The following ADGRG7 variants were observed in gnomAD, a reference collection of about 807,000 sequenced individuals.
ADGRG7 encodes the protein adhesion G protein-coupled receptor G7, also known as G-protein coupled receptor 128.
A neutral mutation model predicts 88.6 loss-of-function variants in ADGRG7; 82 were observed. The observed-to-expected ratio is 0.93, with a 90% CI of 0.77 to 1.11. ADGRG7 has a LOEUF of 1.11. Ranked by LOEUF, ADGRG7 falls within the 50% of genes most tolerant of loss-of-function variation. The probability of loss-of-function intolerance (pLI) is 0.00; values close to 1 mark genes in which losing one functional copy is unlikely to be tolerated. For missense variants in ADGRG7, 945 were observed against 953.4 expected (o/e 0.99, Z 0.12); for synonymous variants, 381 against 345.2 (o/e 1.10, Z -1.15).
In ADGRG7 at chr3:100,609,624, T is replaced by G. The variant is rs1468088164; in HGVS notation, c.-233T>G. ...TCACTTTTTTCATGTTCTCCTTGAG[T>G]GAAGGATGAGGAAATTGAAAGCAGA... On this transcript the variant is annotated 5_prime_UTR_variant, in exon 1 of 16. Transcript: ENST00000273352. 3 of 392,920 alleles carry G rather than the reference T, an allele frequency of 7.6e-6. No homozygotes were observed. The highest frequency in any genetic ancestry group is 1.5e-5 in the Non-Finnish European group (3 of 206,284). 24.3% of individuals were successfully genotyped at this position (392,920 alleles called of 1,614,324 possible). A position where few individuals can be genotyped will look rare whatever the true frequency, so the allele number is the denominator to read the frequency against.
Position 100,694,909 on chromosome 3 carries a change from A to G in ADGRG7, c.2302A>G (p.Thr768Ala), listed in dbSNP as rs2149046074. ...GTATAATTTCCTCAGGTCATTGCCA[A>G]CCTTACATGAACGCTTTAGGCTACT... The part of the protein sequence containing the change: ...KMYNFLRSLP[T>A]LHERFRLLET... Residue 768 changes from threonine (T) to alanine (A), a missense_variant, in exon 16 of 16, where the codon ACC becomes GCC. Coordinates refer to ENST00000273352, the MANE Select transcript of ADGRG7 (RefSeq NM_032787.3). The G allele has an allele frequency of 6.2e-7, 1 of 1,614,190 alleles. No homozygotes were observed. The highest frequency in any genetic ancestry group is 8.5e-7 in the Non-Finnish European group (1 of 1,180,030).
At position 100,609,863 on chromosome 3, in the gene ADGRG7, TC is replaced by T; in HGVS notation, c.9del (p.Cys4AlafsTer17). The T allele has an allele frequency of 6.2e-7, 1 of 1,613,774 alleles. No individual in the cohort carries two copies. The highest frequency in any genetic ancestry group is 8.5e-7 in the Non-Finnish European group (1 of 1,179,710). On this transcript the variant is annotated frameshift_variant, in exon 1 of 16. Transcript: ENST00000273352. LOFTEE classifies it high-confidence loss of function. The part of the protein sequence containing the change: MA[S>X]CRAWNLRVLV... Reference sequence around the variant, plus strand: ...TTTGTGGTTTGGCTTCACCATGGCTTCCTGCCGTGCCTGGAACCTTAGGGTG... The same window carrying T: ...TTTGTGGTTTGGCTTCACCATGGCTTCTGCCGTGCCTGGAACCTTAGGGTG...
chr3:100,633,764 C>A (rs148544204), intron 4 of ADGRG7, among the ~76,000 whole-genome samples: 1 of 152,018 alleles, frequency 6.6e-6, no homozygotes, highest in African/African-American at 2.4e-5. Context: ...ACAGGTGATC[C>A]GCCTGCCTCA....
chr3:100,655,096 C>T lies in ADGRG7; in HGVS notation c.1641C>T (p.Ser547=), dbSNP rs751881590. The part of the protein sequence containing the change: ...LLVTFTWNAL[S]AAQLYYLLIR... Reference sequence around the variant, plus strand: ...TGACATTTACCTGGAACGCACTCAGCGCTGCACAGCTCTATTACCTTCTAA... The same window carrying T: ...TGACATTTACCTGGAACGCACTCAGTGCTGCACAGCTCTATTACCTTCTAA... The change falls in exon 12 of 16, where the codon AGC becomes AGT. Residue 547 remains serine, a synonymous_variant. Transcript: ENST00000273352. 1.2e-5 allele frequency: 19 copies of T among 1,614,150 alleles called. No homozygotes were observed. The highest frequency in any genetic ancestry group is 2.2e-5 in the South Asian group (2 of 91,086).
Position 100,649,722 on chromosome 3 carries a change from A to G in ADGRG7, c.1294A>G (p.Lys432Glu), listed in dbSNP as rs964307769. ...MTFKKDYQYP[K>E]SLDILSNVGC... is the part of the protein sequence containing the mutation. ...TTTCAAAAAGGATTATCAATATCCC[A>G]AATCACTTGACATATTATCCAACGT... Residue 432 changes from lysine to glutamate, a missense_variant, in exon 11 of 16, where the codon AAA becomes GAA. By Grantham distance (56) the Lys-to-Glu change is moderately conservative (BLOSUM62 1). Coordinates refer to ENST00000273352, the MANE Select transcript of ADGRG7 (RefSeq NM_032787.3). 1 of 1,607,278 alleles carries G rather than the reference A, an allele frequency of 6.2e-7. No homozygotes were observed. Among genetic ancestry groups the G allele is most frequent in the Admixed American group, 1.7e-5 (1 of 59,794 alleles).
At chr3:100,676,139 T>C (rs543972545) in intron 15 of ADGRG7, among the ~76,000 whole-genome samples, 1 of 152,112 alleles carries the variant, frequency 6.6e-6, no homozygotes, top group Admixed American at 6.5e-5. Context: ...TCTTTACTAA[T>C]TTTGGTTTTG....
chr3:100,668,959 G>C lies in ADGRG7; in HGVS notation c.1990G>C (p.Val664Leu). 4.4e-6 allele frequency: 7 copies of C among 1,585,794 alleles called. No homozygotes were observed. Among genetic ancestry groups the C allele is most frequent in the Non-Finnish European group, 6.0e-6 (7 of 1,169,298 alleles). The change falls in exon 15 of 16, where the codon GTT (valine) becomes CTT (leucine). Residue 664 changes from valine to leucine, a missense_variant. Physicochemically the swap from Val to Leu is conservative, Grantham distance 32. Transcript: ENST00000273352. ...NNQNLTSTKK[V>L]SSMKKIVSTL... ...TTTTCTTTCACCTAGCACAAAAAAA[G>C]TTTCATCCATGAAGAAGATTGTTAG...
At chr3:100,656,876 G>C (rs1411611242) in intron 13 of ADGRG7, among the ~76,000 whole-genome samples, 3 of 152,080 alleles carry the variant, frequency 2.0e-5, no homozygotes, top group South Asian at 4.1e-4. Flanking sequence ...CAGATACTAC[G>C]TTTGATTATG....
intron 10 of ADGRG7, 56 bp downstream of exon 10, chr3:100,646,780 C>T (rs1453000253): frequency 1.5e-6 from 2 of 1,366,234 alleles, no homozygotes; most frequent in African/African-American, 1.4e-5. Flanking sequence ...ATACACAATT[C>T]TAGTAGGTGC....
At chr3:100,627,346 A>G (rs1253373807) in intron 1 of ADGRG7, among the ~76,000 whole-genome samples, 1 of 152,214 alleles carries the variant, frequency 6.6e-6, no homozygotes, top group Non-Finnish European at 1.5e-5. Context: ...ATTCTATCAT[A>G]TGATTAATTA....
At chr3:100,653,576 T>TA (rs550456003) in intron 11 of ADGRG7, among the ~76,000 whole-genome samples, 11 of 152,280 alleles carry the variant, frequency 7.2e-5, no homozygotes, top group Admixed American at 2.6e-4. Context: ...CATGTTATAT[T>TA]AAAAAAACTG....
Position 100,611,253 on chromosome 3 carries a change from TTCC to T in ADGRG7, c.115+1284_115+1286del, listed in dbSNP as rs58912002. ...GTTTTGTTTGTTTGTTTTTCCTTCC[TTCC>T]TTCCTTCCTTCCTTCCTTCCTTCCT... On this transcript the variant is annotated intron_variant, in intron 1 of 15. Coordinates refer to ENST00000273352, the MANE Select transcript of ADGRG7 (RefSeq NM_032787.3). Among the ~76,000 whole-genome samples, 38 of 106,764 alleles carry T rather than the reference TTCC, an allele frequency of 3.6e-4. 3 individuals are homozygous for T. Among genetic ancestry groups the T allele is most frequent in the African/African-American group, 7.6e-4 (19 of 24,968 alleles). The allele number at this position is 106,764 out of a possible 152,430, so 70.0% of individuals were successfully genotyped here. A position where few individuals can be genotyped will look rare whatever the true frequency, so the allele number is the denominator to read the frequency against.
chr3:100,685,710 T>G (rs1025400553), intron 15 of ADGRG7, among the ~76,000 whole-genome samples: 5 of 152,194 alleles, frequency 3.3e-5, no homozygotes, highest in African/African-American at 1.2e-4. Flanking sequence ...GAACTCATCA[T>G]TTTTTACGGC....
Position 100,680,622 on chromosome 3 carries a change from G to A in ADGRG7, c.2136+11517G>A, listed in dbSNP as rs146645047. On this transcript the variant is annotated intron_variant, in intron 15 of 15. Coordinates refer to ENST00000273352, the MANE Select transcript of ADGRG7 (RefSeq NM_032787.3). ...CAATTATTAAGCAATACTTCTTTGC[G>A]TTTTGGGGGTCAATTTAGGGATACA... is the stretch of plus-strand genomic sequence containing the variant. Among the ~76,000 whole-genome samples, 1,232 of 152,038 alleles carry A rather than the reference G, an allele frequency of 8.1e-3. 19 individuals are homozygous for A. The highest frequency in any genetic ancestry group is 0.028 in the African/African-American group (1,170 of 41,476).
chr3:100,630,659 T>C lies in ADGRG7; in HGVS notation c.230-46T>C, dbSNP rs1576316433. The C allele has an allele frequency of 4.2e-6, 4 of 951,118 alleles. No homozygotes were observed. In the East Asian group the frequency reaches 1.3e-4, roughly 31 times the overall value. 58.9% of individuals were successfully genotyped at this position (951,118 alleles called of 1,614,324 possible). On this transcript the variant is annotated intron_variant, in intron 2 of 15. Coordinates refer to ENST00000273352, the MANE Select transcript of ADGRG7 (RefSeq NM_032787.3). ...TTTGACTTTTATCTGGTTTCAATTT[T>C]TTTAAAATACAATTTATAATAAAGA... is the stretch of plus-strand genomic sequence containing the variant.
At chr3:100,693,370 C>A (rs1335734790) in intron 15 of ADGRG7, among the ~76,000 whole-genome samples, 2 of 152,214 alleles carry the variant, frequency 1.3e-5, no homozygotes, top group African/African-American at 4.8e-5. Context: ...CCACTCCTGT[C>A]CTTCTGAAAC....
At chr3:100,636,180 A>C (rs1707537705) in intron 5 of ADGRG7, among the ~76,000 whole-genome samples, 1 of 152,200 alleles carries the variant, frequency 6.6e-6, no homozygotes, top group Admixed American at 6.5e-5. Flanking sequence ...CTCAGGTCTC[A>C]GCCTCCCAAG....
intron 1 of ADGRG7, among the ~76,000 whole-genome samples, chr3:100,623,502 A>G (rs1055128007): frequency 6.6e-6 from 1 of 152,098 alleles, no homozygotes; most frequent in South Asian, 2.1e-4. Flanking sequence ...CAGTAATGTG[A>G]GCCTTCTAAA....
At chr3:100,677,652 C>T (rs1478322550) in intron 15 of ADGRG7, among the ~76,000 whole-genome samples, 10 of 152,158 alleles carry the variant, frequency 6.6e-5, no homozygotes, top group African/African-American at 2.4e-4. Context: ...CTGGGAAAAT[C>T]TCTATTTCTC....
Sources: allele counts gnomAD v4.1 joint callset (sites outside exome capture counted in the v4.1 genomes callset), GRCh38; gene constraint gnomAD v4.1.1; transcripts MANE v1.5; gene names NCBI Gene and HGNC (gene_info 2026-07-23, HGNC 2026-07-21).